The following CHCHD3 variants were observed in gnomAD, a reference collection of about 807,000 sequenced individuals.
CHCHD3 encodes the protein MICOS complex subunit MIC19.
A neutral mutation model predicts 38.2 loss-of-function variants in CHCHD3; 20 were observed. That is an observed-to-expected ratio of 0.52 (90% CI 0.37 to 0.76). CHCHD3 has a LOEUF of 0.76. CHCHD3 is among the 30% of genes least tolerant of loss of function. The pLI is 0.00. For synonymous variants in CHCHD3, 82 were observed against 100.0 expected, an observed-to-expected ratio of 0.82 and a Z score of 1.07; for missense variants, 245 against 279.2, an observed-to-expected ratio of 0.88 and a Z score of 0.87.
chr7:132,898,724 C>T (rs995521186), intron 4 of CHCHD3, among the ~76,000 whole-genome samples: 2 of 152,376 alleles, frequency 1.3e-5, no homozygotes, highest in Admixed American at 6.5e-5. Flanking sequence ...TCACGCATGG[C>T]GGGCTGCAGG....
At chr7:132,889,250 A>G (rs1049014053) in intron 4 of CHCHD3, among the ~76,000 whole-genome samples, 1 of 152,054 alleles carries the variant, frequency 6.6e-6, no homozygotes, top group Non-Finnish European at 1.5e-5. Context: ...CCCCCATTCA[A>G]TGTATGGCAT....
intron 5 of CHCHD3, among the ~76,000 whole-genome samples, chr7:132,860,302 TAGAG>T (rs1554377183): frequency 2.6e-5 from 3 of 116,496 alleles, no homozygotes; most frequent in Non-Finnish European, 3.5e-5. Context: ...GATAGATAGA[TAGAG>T]AGAGAGAGAA....
intron 5 of CHCHD3, among the ~76,000 whole-genome samples, chr7:132,841,541 T>C (rs1051097926): frequency 5.3e-5 from 8 of 152,024 alleles, no homozygotes; most frequent in Non-Finnish European, 1.0e-4. Context: ...AAGGAATGAA[T>C]TAGACAAACA....
chr7:132,912,082 A>G (rs1182122106), intron 4 of CHCHD3, among the ~76,000 whole-genome samples: 2 of 152,174 alleles, frequency 1.3e-5, no homozygotes, highest in African/African-American at 4.8e-5. Context: ...ACTACTCACA[A>G]TATCCTATCC....
intron 6 of CHCHD3, among the ~76,000 whole-genome samples, chr7:132,828,226 A>G (rs954826046): frequency 6.6e-5 from 10 of 152,286 alleles, no homozygotes; most frequent in African/African-American, 2.4e-4. Context: ...TTGCCATTGT[A>G]TACCCCCACC....
chr7:132,881,909 T>C (rs868609747), intron 5 of CHCHD3, among the ~76,000 whole-genome samples: 4 of 152,202 alleles, frequency 2.6e-5, no homozygotes, highest in African/African-American at 7.2e-5. Context: ...GAGACCTAAA[T>C]GTCTCTCACA....
At chr7:132,847,743 C>T (rs946214970) in intron 5 of CHCHD3, among the ~76,000 whole-genome samples, 1 of 152,174 alleles carries the variant, frequency 6.6e-6, no homozygotes, top group Non-Finnish European at 1.5e-5. Context: ...CATACACACA[C>T]AGTATTCGTG....
At chr7:132,947,118 G>T (rs1460091226) in intron 4 of CHCHD3, among the ~76,000 whole-genome samples, 2 of 151,866 alleles carry the variant, frequency 1.3e-5, no homozygotes, top group Admixed American at 1.3e-4. Flanking sequence ...TATTTTTAAA[G>T]CAAGTAGACA....
rs183805967 is a variant in CHCHD3 at position 132,891,323 on chromosome 7, T to C, written c.370-5578A>G. On this transcript the variant is annotated intron_variant, in intron 4 of 7. Coordinates refer to ENST00000262570, the MANE Select transcript of CHCHD3 (RefSeq NM_017812.4). ...GTGAACTTAAATGATGTCCAACCTATTATCATACTTTTCAATGACTATTTG... is the reference window on the plus strand; with the variant it reads ...GTGAACTTAAATGATGTCCAACCTACTATCATACTTTTCAATGACTATTTG... Among the ~76,000 whole-genome samples, 9 of 152,294 alleles carry C rather than the reference T, an allele frequency of 5.9e-5. No homozygotes were observed. In the East Asian group the frequency reaches 1.7e-3, roughly 29 times the overall value.
At chr7:133,044,146 C>A (rs924315513) in intron 2 of CHCHD3, among the ~76,000 whole-genome samples, 7 of 152,126 alleles carry the variant, frequency 4.6e-5, no homozygotes, top group Non-Finnish European at 8.8e-5. Context: ...TGTGATAAAC[C>A]AACTGTGGAT....
intron 5 of CHCHD3, among the ~76,000 whole-genome samples, chr7:132,847,595 T>C (rs1171736154): frequency 6.6e-6 from 1 of 152,236 alleles, no homozygotes; most frequent in Non-Finnish European, 1.5e-5. Flanking sequence ...GAATGTGCGA[T>C]ACACTGCCAT....
At chr7:132,879,117 T>C (rs1167607716) in intron 5 of CHCHD3, among the ~76,000 whole-genome samples, 2 of 152,240 alleles carry the variant, frequency 1.3e-5, no homozygotes, top group Non-Finnish European at 2.9e-5. Context: ...AGGCATCTAT[T>C]TGATTATATG....
chr7:132,803,624 AG>A (rs1806842340), intron 6 of CHCHD3, among the ~76,000 whole-genome samples: 1 of 151,956 alleles, frequency 6.6e-6, no homozygotes, highest in African/African-American at 2.4e-5. Flanking sequence ...TAAAAACATG[AG>A]GGTTGGTTGG....
intron 4 of CHCHD3, among the ~76,000 whole-genome samples, chr7:132,969,154 CTG>C (rs1027101595): frequency 4.3e-5 from 6 of 138,558 alleles, no homozygotes; most frequent in African/African-American, 1.1e-4. Flanking sequence ...TTTTTTTTTA[CTG>C]TGTTTTTTTT....
chr7:132,919,768 T>TGC (rs1253296356), intron 4 of CHCHD3, among the ~76,000 whole-genome samples: 1 of 152,194 alleles, frequency 6.6e-6, no homozygotes, highest in East Asian at 1.9e-4. Flanking sequence ...TTGGCGACTG[T>TGC]GCTCCTTGGG....
At chr7:132,928,952 A>G (rs1433571919) in intron 4 of CHCHD3, among the ~76,000 whole-genome samples, 1 of 151,494 alleles carries the variant, frequency 6.6e-6, no homozygotes, top group African/African-American at 2.4e-5. Context: ...ACTTATTATC[A>G]CCTCTTTCTT....
At chr7:132,853,375 T>C (rs927359107) in intron 5 of CHCHD3, among the ~76,000 whole-genome samples, 2 of 152,138 alleles carry the variant, frequency 1.3e-5, no homozygotes, top group East Asian at 1.9e-4. Context: ...ATCCCAGCAC[T>C]CTGGGAGGGC....
At chr7:133,011,538 A>G (rs750717133) in intron 3 of CHCHD3, among the ~76,000 whole-genome samples, 3 of 152,168 alleles carry the variant, frequency 2.0e-5, no homozygotes, top group Non-Finnish European at 2.9e-5. Context: ...GCCTCTACCT[A>G]TCAGATGCCA....
At chr7:133,060,147 C>T (rs1814459909) in intron 2 of CHCHD3, among the ~76,000 whole-genome samples, 1 of 152,194 alleles carries the variant, frequency 6.6e-6, no homozygotes, top group African/African-American at 2.4e-5. Flanking sequence ...GAAATCTCCT[C>T]GACCCTCTGA....
Sources: gnomAD v4.1 joint callset for allele counts (sites outside exome capture counted in the v4.1 genomes callset) on GRCh38, gnomAD v4.1.1 for gene constraint, MANE v1.5 for transcripts, NCBI Gene and HGNC (gene_info 2026-07-23, HGNC 2026-07-21) for gene names.